TNRC6A: variants seen among roughly 807,000 people sequenced by gnomAD.
TNRC6A encodes trinucleotide repeat containing adaptor 6A, also known as trinucleotide repeat-containing gene 6A protein.
Under a neutral mutation model 221.2 loss-of-function variants are expected in TNRC6A, and 44 were observed. That is an observed-to-expected ratio of 0.20 (90% CI 0.16 to 0.26). The LOEUF is 0.26. Ranked by LOEUF, TNRC6A falls within the 10% of genes least tolerant of loss-of-function variation. The pLI is 1.00. For missense variants in TNRC6A, 2,199 were observed against 2,404.4 expected, an observed-to-expected ratio of 0.91 and a Z score of 1.79; for synonymous variants, 847 against 838.5, an observed-to-expected ratio of 1.01 and a Z score of -0.18.
intron 2 of TNRC6A, among the ~76,000 whole-genome samples, chr16:24,742,736 A>C (rs893669669): frequency 4.6e-5 from 7 of 152,198 alleles, no homozygotes; most frequent in Non-Finnish European, 7.3e-5. Flanking sequence ...AGCCTGTCCA[A>C]CATGGTGAAA....
In TNRC6A at chr16:24,823,478, G is replaced by A; in HGVS notation, c.5560G>A (p.Glu1854Lys). Residue 1854 changes from glutamate (E) to lysine (K), a missense_variant, in exon 25 of 25, where the codon GAG becomes AAG. Coordinates refer to ENST00000395799, the MANE Select transcript of TNRC6A (RefSeq NM_014494.4). This position sits in a 1 kb window ranked among gnomAD's most constrained non-coding sequence, Gnocchi z 4.3. ...TATTCTTGCTGAGTTTGCCAGTGAAGAGGAGATCAGTCGTTTCTTTGCACA... is the reference window on the plus strand; with the variant it reads ...TATTCTTGCTGAGTTTGCCAGTGAAAAGGAGATCAGTCGTTTCTTTGCACA... ...TTILAEFASEEEISRFFAQSQ... is the reference protein window; with the variant it reads ...TTILAEFASEKEISRFFAQSQ... 1.2e-6 allele frequency: 2 copies of A among 1,614,090 alleles called. No individual in the cohort carries two copies. Among genetic ancestry groups the A allele is most frequent in the East Asian group, 2.2e-5 (1 of 44,880 alleles).
In TNRC6A at chr16:24,649,791, C is replaced by T. The variant is rs1457820102; in HGVS notation, n.402+8782C>T. ...ACCAACATCTCCCCAATTTCCCCATCCCCCAGCTTCCAGTCTCTCTCTCTC... is the reference window on the plus strand; with the variant it reads ...ACCAACATCTCCCCAATTTCCCCATTCCCCAGCTTCCAGTCTCTCTCTCTC... On this transcript the variant is annotated intron_variant and non_coding_transcript_variant, in intron 2 of 2. Coordinates refer to the TNRC6A transcript ENST00000566108. Among the ~76,000 whole-genome samples the T allele has an allele frequency of 5.9e-5, 9 of 151,334 alleles. No homozygotes were observed. In the South Asian group the frequency reaches 1.3e-3, roughly 21 times the overall value.
intron 2 of TNRC6A, among the ~76,000 whole-genome samples, chr16:24,675,694 CTCTCTCTCTATATATATATATA>C (rs1431558501): frequency 1.7e-4 from 14 of 81,120 alleles, no homozygotes; most frequent in African/African-American, 4.1e-4. Flanking sequence ...CTCTCTCTCT[CTCTCTCTCTATATATATATATA>C]TATATATATA....
chr16:24,773,718 A>G (rs1258434456), intron 4 of TNRC6A, among the ~76,000 whole-genome samples: 3 of 151,988 alleles, frequency 2.0e-5, no homozygotes, highest in Non-Finnish European at 2.9e-5. Flanking sequence ...TTAATTGCTC[A>G]TATCTTTTTA....
chr16:24,610,592 G>A (rs1900000690), intron 1 of TNRC6A: 1 of 152,258 alleles, frequency 6.6e-6, no homozygotes, highest in South Asian at 2.1e-4. Context: ...AGTGCCTGCC[G>A]GCTCTGGGGA....
intron 2 of TNRC6A, among the ~76,000 whole-genome samples, chr16:24,679,667 A>G (rs1254672383): frequency 6.6e-6 from 1 of 151,392 alleles, no homozygotes; most frequent in East Asian, 2.0e-4. Flanking sequence ...AATAGAGACA[A>G]GGTTTTACCA....
At chr16:24,673,387 G>A (rs1032676702) in intron 2 of TNRC6A, among the ~76,000 whole-genome samples, 27 of 152,114 alleles carry the variant, frequency 1.8e-4, no homozygotes, top group African/African-American at 6.0e-4. Context: ...CTGGAACTGT[G>A]TTCCACAGCC....
chr16:24,805,404 A>C (rs2058409634), intron 14 of TNRC6A: 1 of 890,792 alleles, frequency 1.1e-6, no homozygotes, highest in South Asian at 1.8e-5. Flanking sequence ...TGACTAGTTT[A>C]AGATGCACCT....
At chr16:24,770,115 C>T (rs1326780424) in intron 4 of TNRC6A, among the ~76,000 whole-genome samples, 1 of 151,986 alleles carries the variant, frequency 6.6e-6, no homozygotes, top group Non-Finnish European at 1.5e-5. Context: ...GTTTTCTAGG[C>T]AAAAACGACA....
chr16:24,730,142 C>T (rs1321512772), intron 1 of TNRC6A, 111 bp from the exon 2 acceptor site: 9 of 1,022,750 alleles, frequency 8.8e-6, no homozygotes, highest in Non-Finnish European at 9.6e-6. Flanking sequence ...CCTCTCCCCT[C>T]CCCCATCCGG....
chr16:24,620,695 C>G (rs561296441), intron 1 of TNRC6A, among the ~76,000 whole-genome samples: 1 of 152,100 alleles, frequency 6.6e-6, no homozygotes, highest in East Asian at 1.9e-4. Flanking sequence ...GTAATTCCAG[C>G]TACTCGGGAG....
At chr16:24,653,141 A>G (rs1189472028) in intron 2 of TNRC6A, among the ~76,000 whole-genome samples, 1 of 152,204 alleles carries the variant, frequency 6.6e-6, no homozygotes, top group East Asian at 1.9e-4. Flanking sequence ...TAAAACTGGA[A>G]TGAACAAATC....
At chr16:24,791,918 CT>C in intron 6 of TNRC6A, 101 bp downstream of exon 6, 1 of 1,290,168 alleles carries the variant, frequency 7.8e-7, no homozygotes, top group African/African-American at 1.6e-5. Flanking sequence ...GCTGTTCTTA[CT>C]GTAATCCAGA....
chr16:24,820,408 C>A (rs2058744462), intron 22 of TNRC6A, 48 bp downstream of exon 22: 2 of 1,511,914 alleles, frequency 1.3e-6, no homozygotes, highest in Non-Finnish European at 1.8e-6. Context: ...TTGCTAAACG[C>A]TAACCAGTAC....
chr16:24,823,077 G>A lies in TNRC6A; in HGVS notation c.5513+64G>A. 2 of 1,606,910 alleles carry A rather than the reference G, an allele frequency of 1.2e-6. No individual in the cohort carries two copies. Among genetic ancestry groups the A allele is most frequent in the Non-Finnish European group, 1.7e-6 (2 of 1,175,546 alleles). ...GGGAAGGAGTGTGAGAGCACAGCCT[G>A]ACCCGGGGCAGTGCACAGGGTCCTG... is the stretch of plus-strand genomic sequence containing the variant. On this transcript the variant is annotated intron_variant, in intron 24 of 24. Coordinates refer to ENST00000395799, the MANE Select transcript of TNRC6A (RefSeq NM_014494.4). The surrounding 1 kb of genome is among the most constrained non-coding windows in gnomAD (Gnocchi z 4.3).
chr16:24,727,219 G>A (rs2078940), upstream of TNRC6A, among the ~76,000 whole-genome samples: 9,041 of 152,072 alleles, frequency 0.059, 756 homozygotes, highest in East Asian at 0.35. Context: ...ACTACAGGCC[G>A]GGTTTCCTCA....
intron 2 of TNRC6A, among the ~76,000 whole-genome samples, chr16:24,746,117 A>T (rs2057004459): frequency 6.6e-6 from 1 of 152,176 alleles, no homozygotes; most frequent in African/African-American, 2.4e-5. Context: ...TTACTGCTCC[A>T]TAAAGCCTTC....
chr16:24,629,068 G>A (rs1009391751), intron 1 of TNRC6A, among the ~76,000 whole-genome samples: 1 of 151,866 alleles, frequency 6.6e-6, no homozygotes, highest in South Asian at 2.1e-4. Context: ...TTTTCCCGAG[G>A]CCTTTAACGT....
At position 24,824,074 on chromosome 16, in the gene TNRC6A, A is replaced by G. The variant is rs1033139033; in HGVS notation, c.*267A>G. 2 of 272,778 alleles carry G rather than the reference A, an allele frequency of 7.3e-6. No individual in the cohort carries two copies. The highest frequency in any genetic ancestry group is 5.6e-5 in the East Asian group (1 of 17,864). The allele number at this position is 272,778 out of a possible 1,614,324, so 16.9% of individuals were successfully genotyped here. ...AGAATGAGCTCGCTTGTGTCTATTC[A>G]TCATGTTTAGCCTTTGGATTCTTTT... is the stretch of plus-strand genomic sequence containing the variant. On this transcript the variant is annotated 3_prime_UTR_variant, in exon 25 of 25. Coordinates refer to ENST00000395799, the MANE Select transcript of TNRC6A (RefSeq NM_014494.4).
Sources: gnomAD v4.1 joint callset for allele counts (sites outside exome capture counted in the v4.1 genomes callset) on GRCh38, gnomAD v4.1.1 for gene constraint, Gnocchi (gnomAD v3.1) non-coding constraint, MANE v1.5 for transcripts, NCBI Gene and HGNC (gene_info 2026-07-23, HGNC 2026-07-21) for gene names.